Variants in LIPC observed in about 807,000 individuals in gnomAD.
The protein encoded by LIPC is hepatic triacylglycerol lipase.
LIPC carries 44 observed loss-of-function variants against 50.7 expected under a neutral mutation model. That is an observed-to-expected ratio of 0.87 (90% CI 0.68 to 1.11). The LOEUF is 1.11. Among genes scored for constraint, LIPC ranks in the 50% most tolerant of loss-of-function variants. LIPC has a pLI of 0.00. For synonymous variants in LIPC, 271 were observed against 256.4 expected (o/e 1.06, Z -0.54); for missense variants, 697 against 648.2 (o/e 1.08, Z -0.82).
At chr15:58,456,518 G>A (rs572670716) in intron 1 of LIPC, among the ~76,000 whole-genome samples, 1 of 152,258 alleles carries the variant, frequency 6.6e-6, no homozygotes, top group African/African-American at 2.4e-5. Context: ...CATCTCCCCT[G>A]ATGCAGCCCA....
chr15:58,460,662 A>C (rs1229816168), intron 1 of LIPC, among the ~76,000 whole-genome samples: 1 of 152,228 alleles, frequency 6.6e-6, no homozygotes, highest in African/African-American at 2.4e-5. Flanking sequence ...GCTGGGCTGC[A>C]AACTCAATGG....
intron 1 of LIPC, among the ~76,000 whole-genome samples, chr15:58,499,595 G>C (rs1393007200): frequency 6.6e-6 from 1 of 152,072 alleles, no homozygotes; most frequent in Non-Finnish European, 1.5e-5. Flanking sequence ...AACCCTATAA[G>C]TTGATCCCAG....
At chr15:58,557,927 T>C (rs1894015369) in intron 6 of LIPC, among the ~76,000 whole-genome samples, 1 of 152,160 alleles carries the variant, frequency 6.6e-6, no homozygotes, top group African/African-American at 2.4e-5. Flanking sequence ...GACTGTTCAT[T>C]TGTTACAGAG....
In LIPC at chr15:58,485,649, A is replaced by T. The variant is rs77596274; in HGVS notation, c.89-52684A>T. 1.4e-4 allele frequency among the ~76,000 whole-genome samples: 21 copies of T among 152,170 alleles called. No homozygotes were observed. In the East Asian group the frequency reaches 3.7e-3, roughly 27 times the overall value. On this transcript the variant is annotated intron_variant, in intron 1 of 8. Coordinates refer to ENST00000299022, the MANE Select transcript of LIPC (RefSeq NM_000236.3). ...ACCAGGCACTTATTTGGATCTCACAACATCTCTGCAAAGAAGATATTGCTA... is the reference window on the plus strand; with the variant it reads ...ACCAGGCACTTATTTGGATCTCACATCATCTCTGCAAAGAAGATATTGCTA...
chr15:58,480,241 A>G (rs1028578810), intron 1 of LIPC, among the ~76,000 whole-genome samples: 7 of 152,122 alleles, frequency 4.6e-5, no homozygotes, highest in African/African-American at 1.7e-4. Flanking sequence ...CTATCTCCCT[A>G]AACTCCTAAG....
At chr15:58,459,386 T>G (rs1342950262) in intron 1 of LIPC, among the ~76,000 whole-genome samples, 1 of 143,234 alleles carries the variant, frequency 7.0e-6, no homozygotes, top group Non-Finnish European at 1.5e-5. Context: ...TTTTGGAGAA[T>G]CGACTTTTTT....
At chr15:58,471,835 C>T (rs994117350) in intron 1 of LIPC, among the ~76,000 whole-genome samples, 2 of 152,226 alleles carry the variant, frequency 1.3e-5, no homozygotes, top group Non-Finnish European at 1.5e-5. Context: ...TACTGCCCTA[C>T]CAGTCCAGCC....
intron 1 of LIPC, among the ~76,000 whole-genome samples, chr15:58,445,813 A>G (rs1401405371): frequency 2.0e-5 from 3 of 152,206 alleles, no homozygotes; most frequent in African/African-American, 4.8e-5. Flanking sequence ...TTGAGGGTGA[A>G]ATGAGACCAC....
At chr15:58,517,897 T>G (rs963645901) in intron 1 of LIPC, among the ~76,000 whole-genome samples, 6 of 152,188 alleles carry the variant, frequency 3.9e-5, no homozygotes, top group African/African-American at 1.4e-4. Context: ...TTGCGGAGGT[T>G]AAATGATCTC....
chr15:58,568,452 G>C (rs1211487658), intron 8 of LIPC, among the ~76,000 whole-genome samples: 1 of 152,198 alleles, frequency 6.6e-6, no homozygotes, highest in Non-Finnish European at 1.5e-5. Flanking sequence ...GGAGAACAAA[G>C]GAGGGCTGCC....
chr15:58,544,116 T>C (rs1330588209), intron 4 of LIPC, among the ~76,000 whole-genome samples: 2 of 152,194 alleles, frequency 1.3e-5, no homozygotes, highest in Non-Finnish European at 2.9e-5. Flanking sequence ...GACCGGCGTG[T>C]GGCCCCCATG....
At position 58,432,217 on chromosome 15, in the gene LIPC, G is replaced by A. The variant is rs533395368; in HGVS notation, c.88+97G>A. ...GGGGTTTCTGACTGTATGGGACAGA[G>A]CTTGCTTCAGAGCGTGCCAGGTGGT... On this transcript the variant is annotated intron_variant, in intron 1 of 8. Coordinates refer to ENST00000299022, the MANE Select transcript of LIPC (RefSeq NM_000236.3). 1.9e-5 allele frequency: 18 copies of A among 943,246 alleles called. No individual in the cohort carries two copies. In the East Asian group the frequency reaches 3.8e-4, roughly 20 times the overall value. 58.4% of individuals were successfully genotyped at this position (943,246 alleles called of 1,614,324 possible). A position where few individuals can be genotyped will look rare whatever the true frequency, so the allele number is the denominator to read the frequency against.
chr15:58,501,882 GA>G (rs1180417021), intron 1 of LIPC, among the ~76,000 whole-genome samples: 1 of 152,164 alleles, frequency 6.6e-6, no homozygotes, highest in Non-Finnish European at 1.5e-5. Flanking sequence ...TCTGCACCCT[GA>G]AGGAGGTAGG....
intron 6 of LIPC, among the ~76,000 whole-genome samples, chr15:58,557,579 G>A (rs1297660989): frequency 1.3e-5 from 2 of 151,746 alleles, no homozygotes; most frequent in African/African-American, 2.4e-5. Context: ...AGAGAACGGG[G>A]TTTCACCGTG....
intron 1 of LIPC, among the ~76,000 whole-genome samples, chr15:58,485,057 G>A (rs1891322186): frequency 6.6e-6 from 1 of 152,234 alleles, no homozygotes; most frequent in South Asian, 2.1e-4. Context: ...ACAGGCCAAG[G>A]GTCATTCCGT....
intron 1 of LIPC, chr15:58,522,125 AC>A (rs1286017432): frequency 6.6e-6 from 1 of 152,012 alleles, no homozygotes; most frequent in Non-Finnish European, 1.5e-5. Context: ...TTGGTCCTGT[AC>A]CCCCACCACC....
At chr15:58,568,426 G>A (rs1287542878) in intron 8 of LIPC, among the ~76,000 whole-genome samples, 1 of 152,186 alleles carries the variant, frequency 6.6e-6, no homozygotes, top group Non-Finnish European at 1.5e-5. Context: ...TCAAATCTTC[G>A]ATGAGCTGTC....
chr15:58,542,475 G>A (rs868007939), intron 3 of LIPC, 59 bp from the exon 4 acceptor site: 23 of 1,145,340 alleles, frequency 2.0e-5, no homozygotes, highest in African/African-American at 6.1e-5. Flanking sequence ...ACACTGGACC[G>A]CAAAAGGCTT....
intron 1 of LIPC, among the ~76,000 whole-genome samples, chr15:58,453,740 A>G (rs973797322): frequency 1.3e-5 from 2 of 151,986 alleles, no homozygotes. Context: ...AACTACTAAA[A>G]GTAAAAAAAA....
Sources: gnomAD v4.1 joint callset for allele counts (sites outside exome capture counted in the v4.1 genomes callset) on GRCh38, gnomAD v4.1.1 for gene constraint, MANE v1.5 for transcripts, NCBI Gene and HGNC (gene_info 2026-07-23, HGNC 2026-07-21) for gene names.